Variants in ACIN1 observed in about 807,000 individuals in gnomAD.
ACIN1 encodes apoptotic chromatin condensation inducer in the nucleus.
ACIN1 carries 16 observed loss-of-function variants against 146.6 expected under a neutral mutation model. The ratio of observed to expected loss-of-function variants is 0.11; its 90% CI spans 0.07 to 0.17. The LOEUF is 0.17. Among genes scored for constraint, ACIN1 ranks in the 10% least tolerant of loss-of-function variants. ACIN1 has a pLI of 1.00. For synonymous variants in ACIN1, 569 were observed against 582.7 expected (o/e 0.98, Z 0.34); for missense variants, 1,357 against 1,609.3 (o/e 0.84, Z 2.68).
rs773926429 is a variant in ACIN1, at chr14:23,080,300, C to T, written c.1035G>A (p.Ala345=). 7 of 1,614,050 alleles carry T rather than the reference C, an allele frequency of 4.3e-6. No homozygotes were observed. Among genetic ancestry groups the T allele is most frequent in the South Asian group, 3.3e-5 (3 of 91,086 alleles). Residue 345 remains alanine, a synonymous_variant, in exon 6 of 19, where the codon GCG becomes GCA. Transcript: ENST00000605057. ...TEDRKKASLV[A]LPEQTASEEE... Reference sequence around the variant, plus strand: ...CCTCGCTGGCAGTTTGCTCTGGCAGCGCTACAAGTGAGGCCTTCTTTCGAT... The same window carrying T: ...CCTCGCTGGCAGTTTGCTCTGGCAGTGCTACAAGTGAGGCCTTCTTTCGAT...
intron 4 of ACIN1, among the ~76,000 whole-genome samples, chr14:23,083,441 T>C (rs1169281921): frequency 6.6e-6 from 1 of 152,028 alleles, no homozygotes; most frequent in African/African-American, 2.4e-5. Context: ...AGAATTAAGA[T>C]CAACTAGGCG....
chr14:23,062,669 G>A, intron 14 of ACIN1, 146 bp from the exon 15 acceptor site: 1 of 819,316 alleles, frequency 1.2e-6, no homozygotes, highest in Non-Finnish European at 2.0e-6. Context: ...AAGAATGTGA[G>A]AAGAGTGGTG....
intron 15 of ACIN1, 22 bp downstream of exon 15, chr14:23,062,394 A>G: frequency 1.2e-6 from 2 of 1,612,470 alleles, no homozygotes; most frequent in East Asian, 4.5e-5. Flanking sequence ...CATGACCTAT[A>G]GAATCAGCTT....
intron 8 of ACIN1, among the ~76,000 whole-genome samples, chr14:23,074,094 T>C (rs1245733736): frequency 6.6e-6 from 1 of 151,646 alleles, no homozygotes; most frequent in Non-Finnish European, 1.5e-5. Context: ...CGTCTCGGCC[T>C]CCCAAAGTGC....
chr14:23,095,331 C>T (rs2048350832), upstream of ACIN1: 4 of 1,552,006 alleles, frequency 2.6e-6, no homozygotes, highest in African/African-American at 5.5e-5. Flanking sequence ...CGCCCCTTTT[C>T]TCGCCCTGCT....
chr14:23,074,191 T>C (rs2047740767), intron 8 of ACIN1, among the ~76,000 whole-genome samples: 1 of 151,856 alleles, frequency 6.6e-6, no homozygotes, highest in South Asian at 2.1e-4. Context: ...CTTTACCCTC[T>C]TAAGACACAA....
chr14:23,085,740 A>G (rs535656590), intron 4 of ACIN1, among the ~76,000 whole-genome samples: 7 of 152,346 alleles, frequency 4.6e-5, no homozygotes, highest in East Asian at 1.9e-4. Flanking sequence ...GAAAAAGGTG[A>G]TATCTTCTAT....
chr14:23,060,386 G>T (rs1317943362), intron 18 of ACIN1, among the ~76,000 whole-genome samples: 1 of 152,074 alleles, frequency 6.6e-6, no homozygotes, highest in African/African-American at 2.4e-5. Context: ...TTTTTGAGTA[G>T]CATAAGCCTA....
At chr14:23,064,618 G>T in intron 10 of ACIN1, 130 bp from the exon 11 acceptor site, 3 of 1,333,174 alleles carry the variant, frequency 2.3e-6, no homozygotes, top group Non-Finnish European at 3.1e-6. Flanking sequence ...ATATTTGGAG[G>T]CTGAGTGTGG....
chr14:23,063,719 AC>A, intron 12 of ACIN1, 142 bp from the exon 13 acceptor site: 2 of 1,005,700 alleles, frequency 2.0e-6, no homozygotes, highest in Non-Finnish European at 2.9e-6. Context: ...GCTCACTTCT[AC>A]CAGATCCTGG....
chr14:23,087,839 C>T (rs59493355), intron 4 of ACIN1, among the ~76,000 whole-genome samples: 4,285 of 152,268 alleles, frequency 0.028, 75 homozygotes, highest in East Asian at 0.082. Flanking sequence ...TAGTCTACTA[C>T]CTCTCCTTTA....
chr14:23,094,787 G>A (rs1594795646), intron 1 of ACIN1, 188 bp downstream of exon 1: 1 of 917,294 alleles, frequency 1.1e-6, no homozygotes, highest in Admixed American at 2.9e-5. Context: ...CTGCCGTTAA[G>A]GCGGGAACCG....
chr14:23,090,334 C>G (rs1291749128), intron 3 of ACIN1, among the ~76,000 whole-genome samples, 188 bp downstream of exon 3: 1 of 152,214 alleles, frequency 6.6e-6, no homozygotes, highest in Non-Finnish European at 1.5e-5. Flanking sequence ...ACAAGACAGT[C>G]AAATTAAGTG....
chr14:23,081,565 G>A (rs543181636), intron 5 of ACIN1, among the ~76,000 whole-genome samples, 183 bp downstream of exon 5: 193 of 152,298 alleles, frequency 1.3e-3, no homozygotes, highest in Admixed American at 4.3e-3. Flanking sequence ...AGGAGGTCGA[G>A]GCTGTAGTAA....
At chr14:23,082,231 T>G (rs1267833373) in intron 4 of ACIN1, among the ~76,000 whole-genome samples, 1 of 152,238 alleles carries the variant, frequency 6.6e-6, no homozygotes, top group African/African-American at 2.4e-5. Context: ...GTATCCATTT[T>G]TTTGGATTGC....
intron 4 of ACIN1, among the ~76,000 whole-genome samples, chr14:23,085,274 G>A (rs1023460353): frequency 2.6e-5 from 4 of 152,186 alleles, no homozygotes; most frequent in African/African-American, 9.7e-5. Context: ...GGCAGAGCTT[G>A]CAGTGAGCAG....
Position 23,062,933 on chromosome 14 carries a change from T to C in ACIN1, c.2879A>G (p.Asn960Ser), listed in dbSNP as rs1342523206. ...TGGTGAGAAACAATGACTTACCAAA[T>C]TGGAGATATGGACAATGTTGCTAAT... ...GKISNIVHIS[N>S]LVRPFTLGQL... is the part of the protein sequence containing the mutation. The change falls in exon 14 of 19, where the codon AAT becomes AGT. Residue 960 changes from asparagine (N) to serine (S), a missense_variant. Coordinates refer to ENST00000605057, the MANE Select transcript of ACIN1 (RefSeq NM_001386863.1). The C allele has an allele frequency of 1.2e-6, 2 of 1,603,664 alleles. No homozygotes were observed. The highest frequency in any genetic ancestry group is 1.7e-6 in the Non-Finnish European group (2 of 1,176,032).
chr14:23,079,149 TTGTC>T, intron 6 of ACIN1, 111 bp from the exon 7 acceptor site: 1 of 1,102,750 alleles, frequency 9.1e-7, no homozygotes, highest in Non-Finnish European at 1.3e-6. Context: ...CTGGACCTTT[TTGTC>T]TGTGTTTACT....
rs1179509854 is a variant in ACIN1 at position 23,071,027 on chromosome 14, A to G, written c.2124-1410T>C. 2.1e-6 allele frequency: 3 copies of G among 1,396,546 alleles called. No homozygotes were observed. The Admixed American group carries it at 6.4e-5, about 30-fold the overall frequency. The allele number at this position is 1,396,546 out of a possible 1,614,324, so 86.5% of individuals were successfully genotyped here. A position where few individuals can be genotyped will look rare whatever the true frequency, so the allele number is the denominator to read the frequency against. The stretch of plus-strand genomic sequence containing the variant: ...AAGGCAGAATGACTGAAAACAAACC[A>G]AAACGAAAGACGGAATGAAAGCCAT... On this transcript the variant is annotated intron_variant, in intron 8 of 18. Transcript: ENST00000605057.
Sources: gnomAD v4.1 joint callset for allele counts (sites outside exome capture counted in the v4.1 genomes callset) on GRCh38, gnomAD v4.1.1 for gene constraint, MANE v1.5 for transcripts, NCBI Gene and HGNC (gene_info 2026-07-23, HGNC 2026-07-21) for gene names.